SLC15A5: variants seen among roughly 807,000 people sequenced by gnomAD.
SLC15A5 encodes the protein Peptide/histidine transporter ENSP00000340402.
A neutral mutation model predicts 56.1 loss-of-function variants in SLC15A5; 58 were observed. That is an observed-to-expected ratio of 1.03 (90% CI 0.84 to 1.29). SLC15A5 has a LOEUF of 1.29. SLC15A5 is among the 50% of genes most tolerant of loss of function. SLC15A5 has a pLI of 0.00. For synonymous variants in SLC15A5, 264 were observed against 250.5 expected, an observed-to-expected ratio of 1.05 and a Z score of -0.51; for missense variants, 681 against 672.1, an observed-to-expected ratio of 1.01 and a Z score of -0.15.
chr12:16,210,021 A>C (rs570598090), intron 7 of SLC15A5, among the ~76,000 whole-genome samples: 19 of 152,264 alleles, frequency 1.2e-4, no homozygotes, highest in African/African-American at 4.6e-4. Context: ...GCCCCTATCT[A>C]ACTCTCCAAT....
intron 6 of SLC15A5, among the ~76,000 whole-genome samples, chr12:16,222,574 C>A (rs1181568933): frequency 6.6e-6 from 1 of 152,066 alleles, no homozygotes. Context: ...GATATCAGAC[C>A]AAATTCTTTC....
chr12:16,247,584 G>C (rs575098105), intron 3 of SLC15A5, among the ~76,000 whole-genome samples: 1 of 152,208 alleles, frequency 6.6e-6, no homozygotes, highest in Non-Finnish European at 1.5e-5. Context: ...CTCCTAGAGA[G>C]TTGACGTATG....
chr12:16,273,196 A>G lies in SLC15A5; in HGVS notation c.362-413T>C, dbSNP rs147565462. 2.0e-3 allele frequency among the ~76,000 whole-genome samples: 305 copies of G among 152,230 alleles called. 1 individual carries two copies. The highest frequency in any genetic ancestry group is 6.8e-3 in the African/African-American group (284 of 41,568). ...CAATCGAGTGACAGAAAACACCATGATCTCACACATCTCAGAAGCTTATTA... is the reference window on the plus strand; with the variant it reads ...CAATCGAGTGACAGAAAACACCATGGTCTCACACATCTCAGAAGCTTATTA... On this transcript the variant is annotated intron_variant, in intron 1 of 8. Transcript: ENST00000344941.
chr12:16,189,537 A>AAGTAT lies in SLC15A5; in HGVS notation c.*126_*130dup. 1 of 692,690 alleles carries AAGTAT rather than the reference A, an allele frequency of 1.4e-6. No homozygotes were observed. Among genetic ancestry groups the AAGTAT allele is most frequent in the African/African-American group, 1.9e-5 (1 of 54,042 alleles). 42.9% of individuals were successfully genotyped at this position (692,690 alleles called of 1,614,324 possible). A position where few individuals can be genotyped will look rare whatever the true frequency, so the allele number is the denominator to read the frequency against. On this transcript the variant is annotated 3_prime_UTR_variant, in exon 9 of 9. Transcript: ENST00000344941. ...AATTCATAATTAGTCTTTGTAAATA[A>AAGTAT]AGTATACAGATGATATTTGTAAAAT...
intron 3 of SLC15A5, among the ~76,000 whole-genome samples, chr12:16,254,818 G>A (rs1211411355): frequency 1.3e-5 from 2 of 152,082 alleles, no homozygotes; most frequent in African/African-American, 2.4e-5. Flanking sequence ...GAAGTAAAAC[G>A]TAGAACAGAG....
intron 7 of SLC15A5, among the ~76,000 whole-genome samples, chr12:16,207,441 C>A (rs1257417804): frequency 9.1e-6 from 1 of 109,562 alleles, no homozygotes; most frequent in Non-Finnish European, 2.0e-5. Flanking sequence ...AACTTTTACC[C>A]CAAATTACTT....
intron 8 of SLC15A5, among the ~76,000 whole-genome samples, chr12:16,191,268 G>A (rs1863835917): frequency 6.6e-6 from 1 of 151,798 alleles, no homozygotes; most frequent in Non-Finnish European, 1.5e-5. Flanking sequence ...GATTGGTTTG[G>A]TTCTAGGACT....
At position 16,204,404 on chromosome 12, in the gene SLC15A5, C is replaced by T. The variant is rs183182152; in HGVS notation, c.1484-9951G>A. On this transcript the variant is annotated intron_variant, in intron 7 of 8. Transcript: ENST00000344941. ...CCCGGGAGGCAGAGGTTGCAGCACT[C>T]CAACCTAGGCAACAGAGCGAGACAC... Among the ~76,000 whole-genome samples the T allele has an allele frequency of 3.6e-3, 540 of 150,510 alleles. 3 individuals carry two copies. Among genetic ancestry groups the T allele is most frequent in the African/African-American group, 0.013 (523 of 40,882 alleles).
chr12:16,272,635 T>C lies in SLC15A5; in HGVS notation c.510A>G (p.Arg170=), dbSNP rs1303047224. The change falls in exon 2 of 9, where the codon AGA becomes AGG. Residue 170 remains arginine (R), a synonymous_variant. Transcript: ENST00000344941. ...AAGCACCCAGTGGACAGACGATGGCTCTTACGCCTCCAATGCCAAGGCAAA... is the reference window on the plus strand; with the variant it reads ...AAGCACCCAGTGGACAGACGATGGCCCTTACGCCTCCAATGCCAAGGCAAA... ...LTICLGIGGV[R]AIVCPLGAFG... is the part of the protein sequence containing the mutation. 25 of 1,536,924 alleles carry C rather than the reference T, an allele frequency of 1.6e-5. No homozygotes were observed. Among genetic ancestry groups the C allele is most frequent in the Non-Finnish European group, 2.2e-5 (25 of 1,146,732 alleles).
intron 7 of SLC15A5, among the ~76,000 whole-genome samples, chr12:16,203,817 A>G (rs1190577438): frequency 3.3e-5 from 5 of 152,204 alleles, no homozygotes; most frequent in African/African-American, 1.2e-4. Flanking sequence ...GGGTCAACTG[A>G]AATACTCTTA....
chr12:16,247,234 G>T (rs1565669524), intron 3 of SLC15A5, among the ~76,000 whole-genome samples: 1 of 152,126 alleles, frequency 6.6e-6, no homozygotes, highest in Admixed American at 6.6e-5. Flanking sequence ...AATTGTATCA[G>T]ATATAGTGAT....
At chr12:16,251,410 A>G (rs1358589227) in intron 3 of SLC15A5, among the ~76,000 whole-genome samples, 1 of 151,872 alleles carries the variant, frequency 6.6e-6, no homozygotes, top group Non-Finnish European at 1.5e-5. Flanking sequence ...TGATTTTTGG[A>G]AAGATTAAAA....
intron 1 of SLC15A5, among the ~76,000 whole-genome samples, chr12:16,276,982 T>G (rs1565678064): frequency 6.6e-6 from 1 of 152,068 alleles, no homozygotes; most frequent in African/African-American, 2.4e-5. Context: ...CAAATACATT[T>G]CACATTTCTG....
intron 4 of SLC15A5, among the ~76,000 whole-genome samples, chr12:16,242,412 A>G (rs571287705): frequency 4.3e-5 from 5 of 116,052 alleles, no homozygotes; most frequent in African/African-American, 1.5e-4. Context: ...ATAATAAAGC[A>G]TGGCGCTTGA....
intron 2 of SLC15A5, among the ~76,000 whole-genome samples, chr12:16,260,758 G>A (rs1011501968): frequency 1.3e-4 from 19 of 147,190 alleles, no homozygotes; most frequent in Admixed American, 3.4e-4. Context: ...GTATTTTCCC[G>A]TTTTTTTTTT....
At chr12:16,193,093 T>C (rs768562934) in intron 8 of SLC15A5, among the ~76,000 whole-genome samples, 1 of 152,066 alleles carries the variant, frequency 6.6e-6, no homozygotes, top group Admixed American at 6.6e-5. Flanking sequence ...GCACCACTTA[T>C]GTGTCTGGAG....
chr12:16,275,458 A>G (rs1332638447), intron 1 of SLC15A5, among the ~76,000 whole-genome samples: 3 of 152,052 alleles, frequency 2.0e-5, no homozygotes, highest in African/African-American at 7.2e-5. Context: ...TTATTTGTTC[A>G]GGAAGTCAGT....
At chr12:16,274,762 G>T (rs2136829173) in intron 1 of SLC15A5, among the ~76,000 whole-genome samples, 1 of 152,192 alleles carries the variant, frequency 6.6e-6, no homozygotes, top group Non-Finnish European at 1.5e-5. Flanking sequence ...TTTCATGCAG[G>T]AACTATTAGG....
At chr12:16,260,304 C>T (rs1373895120) in intron 2 of SLC15A5, among the ~76,000 whole-genome samples, 2 of 152,042 alleles carry the variant, frequency 1.3e-5, no homozygotes, top group Non-Finnish European at 2.9e-5. Flanking sequence ...AAAAAGAAAA[C>T]CCAGGAAATT....
Sources: allele counts gnomAD v4.1 joint callset (sites outside exome capture counted in the v4.1 genomes callset), GRCh38; gene constraint gnomAD v4.1.1; transcripts MANE v1.5; gene names NCBI Gene and HGNC (gene_info 2026-07-23, HGNC 2026-07-21).